The following ZC3H7B variants were observed in gnomAD, a reference collection of about 807,000 sequenced individuals.
ZC3H7B encodes zinc finger CCCH domain-containing protein 7B.
Under a neutral mutation model 116.0 loss-of-function variants are expected in ZC3H7B, and 35 were observed. The ratio of observed to expected loss-of-function variants is 0.30; its 90% CI spans 0.23 to 0.40. The LOEUF (loss-of-function observed/expected upper bound fraction) is 0.40. ZC3H7B is among the 10% of genes least tolerant of loss of function. The pLI is 1.00. For missense variants in ZC3H7B, 1,011 were observed against 1,321.5 expected (o/e 0.77, Z 3.64); for synonymous variants, 502 against 545.6 (o/e 0.92, Z 1.11).
intron 1 of ZC3H7B, among the ~76,000 whole-genome samples, chr22:41,314,408 C>T (rs1457426535): frequency 6.6e-6 from 1 of 151,898 alleles, no homozygotes; most frequent in Non-Finnish European, 1.5e-5. Context: ...CCACCTGCCT[C>T]AGCCTCCCAA....
rs1242295212 is a variant in ZC3H7B at position 41,355,757 on chromosome 22, C to T, written c.2169C>T (p.Cys723=). 1 of 1,614,002 alleles carries T rather than the reference C, an allele frequency of 6.2e-7. No individual in the cohort carries two copies. Among genetic ancestry groups the T allele is most frequent in the Non-Finnish European group, 8.5e-7 (1 of 1,180,004 alleles). Residue 723 remains cysteine, a splice_region_variant and synonymous_variant, in exon 19 of 23, where the codon TGC becomes TGT. Coordinates refer to ENST00000352645, the MANE Select transcript of ZC3H7B (RefSeq NM_017590.6). ...LKYCSAKARH[C]WTKERRVLLV... Reference sequence around the variant, plus strand: ...TCCCCAACCCTGCTCTGTCCTGCAGCTGGACCAAGGAGCGGCGGGTCCTTC... The same window carrying T: ...TCCCCAACCCTGCTCTGTCCTGCAGTTGGACCAAGGAGCGGCGGGTCCTTC...
At chr22:41,339,371 A>G (rs1013968221) in intron 9 of ZC3H7B, among the ~76,000 whole-genome samples, 180 bp downstream of exon 9, 6 of 152,304 alleles carry the variant, frequency 3.9e-5, no homozygotes, top group Admixed American at 3.3e-4. Flanking sequence ...TCACGCCTGT[A>G]ATCCCAATAC....
chr22:41,316,784 C>G (rs908950565), intron 1 of ZC3H7B, among the ~76,000 whole-genome samples: 3 of 152,072 alleles, frequency 2.0e-5, no homozygotes, highest in Non-Finnish European at 2.9e-5. Context: ...AAGCGATTCT[C>G]CTGCCTTAGC....
At position 41,301,752 on chromosome 22, in the gene ZC3H7B, G is replaced by C. The variant is rs1039019639; in HGVS notation, c.-27G>C. The C allele has an allele frequency of 1.3e-5, 2 of 152,018 alleles. No individual in the cohort carries two copies. The highest frequency in any genetic ancestry group is 2.9e-5 in the Non-Finnish European group (2 of 68,002). The allele number at this position is 152,018 out of a possible 1,614,324, so 9.4% of individuals were successfully genotyped here. ...TTTATCGGGCTCGGCGCAGGCCCGC[G>C]GGGAGCGCAGCCCGGCGGAGGTGAG... On this transcript the variant is annotated 5_prime_UTR_variant, in exon 1 of 23. Coordinates refer to ENST00000352645, the MANE Select transcript of ZC3H7B (RefSeq NM_017590.6).
chr22:41,346,296 C>G lies in ZC3H7B; in HGVS notation c.1665+88C>G, dbSNP rs1008662234. The G allele has an allele frequency of 2.7e-5, 40 of 1,466,014 alleles. No homozygotes were observed. Among genetic ancestry groups the G allele is most frequent in the Non-Finnish European group, 3.4e-5 (37 of 1,083,342 alleles). 90.8% of individuals were successfully genotyped at this position (1,466,014 alleles called of 1,614,324 possible). On this transcript the variant is annotated intron_variant, in intron 14 of 22. Transcript: ENST00000352645. This position sits in a 1 kb window ranked among gnomAD's most constrained non-coding sequence, Gnocchi z 5.3. ...CCTGGCACGGACCACCATAGGAAGTCAGCCCTGGAACCCGTGGGCTGTGGA... is the reference window on the plus strand; with the variant it reads ...CCTGGCACGGACCACCATAGGAAGTGAGCCCTGGAACCCGTGGGCTGTGGA...
chr22:41,357,033 A>G lies in ZC3H7B; in HGVS notation c.2682-144A>G. The stretch of plus-strand genomic sequence containing the variant: ...TGTGGGGCAGATCCCAGAGAGGGTC[A>G]GGACACCCAGGTTTTCCCTGAGCTG... On this transcript the variant is annotated intron_variant, in intron 22 of 22. Transcript: ENST00000352645. This position sits in a 1 kb window ranked among gnomAD's most constrained non-coding sequence, Gnocchi z 5.4. The G allele has an allele frequency of 7.1e-7, 1 of 1,400,744 alleles. No homozygotes were observed. Among genetic ancestry groups the G allele is most frequent in the Non-Finnish European group, 9.6e-7 (1 of 1,045,656 alleles). 86.8% of individuals were successfully genotyped at this position (1,400,744 alleles called of 1,614,324 possible).
At chr22:41,333,443 T>C (rs2036406906) in intron 7 of ZC3H7B, 1 of 152,038 alleles carries the variant, frequency 6.6e-6, no homozygotes. Flanking sequence ...CTGGCCAACA[T>C]AATGAAACCC....
At chr22:41,340,981 T>G (rs2036515792) in intron 10 of ZC3H7B, 107 bp from the exon 11 acceptor site, 2 of 1,072,578 alleles carry the variant, frequency 1.9e-6, no homozygotes, top group Non-Finnish European at 2.8e-6. Context: ...AGAGGATGTG[T>G]GGCCTGGGGG....
intron 1 of ZC3H7B, among the ~76,000 whole-genome samples, chr22:41,307,404 A>G (rs1883825): frequency 0.33 from 49,899 of 151,880 alleles, 8,695 homozygotes; most frequent in Admixed American, 0.51. Flanking sequence ...CTTTGCAGGC[A>G]TGTTGGTTGT....
chr22:41,354,908 C>T (rs371670117), intron 17 of ZC3H7B, among the ~76,000 whole-genome samples: 1 of 152,194 alleles, frequency 6.6e-6, no homozygotes, highest in African/African-American at 2.4e-5. Context: ...ACTCCTGCCA[C>T]CACCACCCTA....
At chr22:41,311,660 G>A (rs1369045368) in intron 1 of ZC3H7B, among the ~76,000 whole-genome samples, 2 of 152,066 alleles carry the variant, frequency 1.3e-5, no homozygotes, top group Non-Finnish European at 2.9e-5. Flanking sequence ...GGGGAAGGGG[G>A]TGGGCCTGGC....
intron 14 of ZC3H7B, among the ~76,000 whole-genome samples, chr22:41,347,168 C>T (rs1306205478): frequency 2.0e-5 from 3 of 152,196 alleles, no homozygotes; most frequent in Non-Finnish European, 4.4e-5. Flanking sequence ...CCAGCTGCTG[C>T]TGGTGGTCCC....
rs543815770 is a variant in ZC3H7B, at chr22:41,356,909, G to A, written c.2681+101G>A. On this transcript the variant is annotated intron_variant, in intron 22 of 22. Transcript: ENST00000352645. Reference sequence around the variant, plus strand: ...CTCTTGGCCTGGAGGTGGTGTGCAGGGAGTGGTGAGGCTTGGCTGTGACTG... The same window carrying A: ...CTCTTGGCCTGGAGGTGGTGTGCAGAGAGTGGTGAGGCTTGGCTGTGACTG... 3.3e-4 allele frequency: 509 copies of A among 1,544,374 alleles called. 1 individual carries two copies. The highest frequency in any genetic ancestry group is 4.4e-4 in the Non-Finnish European group (501 of 1,140,658).
Position 41,325,847 on chromosome 22 carries a change from G to A in ZC3H7B, c.214G>A (p.Asp72Asn). The change falls in exon 4 of 23, where the codon GAC (aspartate) becomes AAC (asparagine). Residue 72 changes from aspartate to asparagine, a missense_variant. Asp to Asn is a conservative substitution (Grantham distance 23). Transcript: ENST00000352645. ...GLNVADYAAS[D>N]QVALPRELLC... ...GAACGTGGCCGACTACGCTGCCTCTGACCAGGTGGCCCTGCCCCGGGAGCT... is the reference window on the plus strand; with the variant it reads ...GAACGTGGCCGACTACGCTGCCTCTAACCAGGTGGCCCTGCCCCGGGAGCT... 6.2e-7 allele frequency: 1 copy of A among 1,612,748 alleles called. No individual in the cohort carries two copies. Among genetic ancestry groups the A allele is most frequent in the Non-Finnish European group, 8.5e-7 (1 of 1,179,754 alleles).
chr22:41,313,645 G>C (rs561168452), intron 1 of ZC3H7B, among the ~76,000 whole-genome samples: 4 of 152,282 alleles, frequency 2.6e-5, no homozygotes, highest in African/African-American at 9.6e-5. Context: ...TATACGTACA[G>C]GGAGGGCTTG....
chr22:41,306,413 G>T (rs182046844), intron 1 of ZC3H7B, among the ~76,000 whole-genome samples: 33 of 137,996 alleles, frequency 2.4e-4, no homozygotes, highest in Non-Finnish European at 3.5e-4. Flanking sequence ...CACTCTTGTC[G>T]CCCAGGCTGG....
chr22:41,339,173 C>T lies in ZC3H7B; in HGVS notation c.798C>T (p.Asp266=), dbSNP rs1363311308. 3 of 1,611,310 alleles carry T rather than the reference C, an allele frequency of 1.9e-6. No individual in the cohort carries two copies. In the South Asian group the frequency reaches 3.3e-5, roughly 18 times the overall value. The change falls in exon 9 of 23, where the codon GAC becomes GAT. Residue 266 remains aspartate, a synonymous_variant. Coordinates refer to ENST00000352645, the MANE Select transcript of ZC3H7B (RefSeq NM_017590.6). ...SDGDVFGPEL[D]TLLDSLSLVQ... is the part of the protein sequence containing the mutation. ...GGGATGTCTTTGGCCCAGAGCTGGA[C>T]ACCCTCCTGGACTCGCTGGTGAGCC...
chr22:41,325,035 G>A (rs1353623483), intron 2 of ZC3H7B, among the ~76,000 whole-genome samples: 1 of 152,174 alleles, frequency 6.6e-6, no homozygotes, highest in Non-Finnish European at 1.5e-5. Flanking sequence ...CCAGTCCTGG[G>A]GGCCTCCTAG....
chr22:41,322,013 G>A (rs948097763), intron 2 of ZC3H7B, among the ~76,000 whole-genome samples: 1 of 148,128 alleles, frequency 6.8e-6, no homozygotes, highest in African/African-American at 2.5e-5. Flanking sequence ...CTAATTTTTT[G>A]TATTTTTAGT....
Sources: gnomAD v4.1 joint callset for allele counts (sites outside exome capture counted in the v4.1 genomes callset) on GRCh38, gnomAD v4.1.1 for gene constraint, Gnocchi (gnomAD v3.1) non-coding constraint, MANE v1.5 for transcripts, NCBI Gene and HGNC (gene_info 2026-07-23, HGNC 2026-07-21) for gene names.